Variants in NUP93 observed in about 807,000 individuals in gnomAD.
NUP93 encodes nucleoporin 93.
In NUP93, 55 loss-of-function variants were observed where a neutral mutation model predicts 107.8. That is an observed-to-expected ratio of 0.51 (90% CI 0.41 to 0.64). NUP93 has a LOEUF of 0.64. NUP93 is among the 30% of genes least tolerant of loss of function. NUP93 has a pLI of 0.00. For synonymous variants in NUP93, 390 were observed against 397.5 expected (o/e 0.98, Z 0.22); for missense variants, 937 against 1,044.7 (o/e 0.90, Z 1.42).
intron 8 of NUP93, 73 bp from the exon 9 acceptor site, chr16:56,828,904 C>T: frequency 6.7e-7 from 1 of 1,497,884 alleles, no homozygotes. Flanking sequence ...AGTGTAATGT[C>T]ATGGATATGG....
At chr16:56,751,410 A>G (rs1403638158) in intron 2 of NUP93, among the ~76,000 whole-genome samples, 1 of 152,174 alleles carries the variant, frequency 6.6e-6, no homozygotes, top group Non-Finnish European at 1.5e-5. Flanking sequence ...CTTTACACGC[A>G]TTATATAATT....
chr16:56,838,096 C>T (rs1243680677), intron 18 of NUP93, among the ~76,000 whole-genome samples: 1 of 152,138 alleles, frequency 6.6e-6, no homozygotes, highest in Non-Finnish European at 1.5e-5. Context: ...GGGGGAGATT[C>T]TTAGAGGTGT....
chr16:56,825,157 A>G (rs1193379456), intron 8 of NUP93, among the ~76,000 whole-genome samples: 1 of 151,044 alleles, frequency 6.6e-6, no homozygotes, highest in Non-Finnish European at 1.5e-5. Context: ...CCCAGGCTCA[A>G]GCAGTCCTCC....
At chr16:56,748,120 C>G (rs145764505) in intron 1 of NUP93, 114 bp from the exon 2 acceptor site, 1 of 652,852 alleles carries the variant, frequency 1.5e-6, no homozygotes, top group African/African-American at 1.8e-5. Context: ...TGAGCTGTGT[C>G]CTCGTCTGTT....
intron 1 of NUP93, chr16:56,748,010 G>C: frequency 5.8e-6 from 2 of 347,180 alleles, no homozygotes; most frequent in Non-Finnish European, 1.1e-5. Context: ...TCTTGGGGCT[G>C]TCAATATGCA....
In NUP93 at chr16:56,839,587, A is replaced by G. The variant is rs771748377; in HGVS notation, c.2203A>G (p.Arg735Gly). Reference sequence around the variant, plus strand: ...TGTGGAAGAGAGAGTGGCTGCCTTCAGAAATTTCAGTGATGAAGTAAGTTC... The same window carrying G: ...TGTGGAAGAGAGAGTGGCTGCCTTCGGAAATTTCAGTGATGAAGTAAGTTC... Reference protein sequence around the residue: ...ESVEERVAAFRNFSDEIRHNL... With the variant: ...ESVEERVAAFGNFSDEIRHNL... The change falls in exon 20 of 22, where the codon AGA (arginine) becomes GGA (glycine). Residue 735 changes from arginine to glycine, a missense_variant. Coordinates refer to ENST00000308159, the MANE Select transcript of NUP93 (RefSeq NM_014669.5). 4.3e-5 allele frequency: 70 copies of G among 1,613,606 alleles called. No homozygotes were observed. In the South Asian group the frequency reaches 7.6e-4, roughly 17 times the overall value.
At chr16:56,809,179 T>G (rs1466420520) in intron 5 of NUP93, among the ~76,000 whole-genome samples, 1 of 152,144 alleles carries the variant, frequency 6.6e-6, no homozygotes, top group African/African-American at 2.4e-5. Context: ...TTTGCCTTTG[T>G]GCCAGAGGGA....
In NUP93 at chr16:56,831,842, A is replaced by G; in HGVS notation, c.1086A>G (p.Arg362=). The stretch of plus-strand genomic sequence containing the variant: ...TCTGTCTGTTCCCTTATGTCTGTAG[A>G]TTGTCCCCAGCTACGGAAAACAAGC... ...FQEYMNSKDR[R]LSPATENKLR... is the part of the protein sequence containing the mutation. Residue 362 remains arginine (R), a splice_region_variant and synonymous_variant, in exon 11 of 22, where the codon AGA becomes AGG. Transcript: ENST00000308159. The G allele has an allele frequency of 6.2e-7, 1 of 1,613,674 alleles. No individual in the cohort carries two copies. Among genetic ancestry groups the G allele is most frequent in the South Asian group, 1.1e-5 (1 of 91,020 alleles).
intron 3 of NUP93, chr16:56,783,971 A>G: frequency 7.3e-6 from 6 of 819,834 alleles, no homozygotes; most frequent in Non-Finnish European, 8.8e-6. Flanking sequence ...CAAATATGAA[A>G]AGTGTAACGC....
chr16:56,776,159 T>C (rs1228597589), intron 3 of NUP93, among the ~76,000 whole-genome samples: 2 of 152,166 alleles, frequency 1.3e-5, no homozygotes, highest in Non-Finnish European at 2.9e-5. Context: ...TAGAAAACTT[T>C]GAGAAAGCTA....
Position 56,798,250 on chromosome 16 carries a change from T to G in NUP93, c.298-226T>G, listed in dbSNP as rs1596812224. Among the ~76,000 whole-genome samples, 4 of 152,302 alleles carry G rather than the reference T, an allele frequency of 2.6e-5. No individual in the cohort carries two copies. The South Asian group carries it at 8.3e-4, about 32-fold the overall frequency. ...TTATGGGATATAGAACCCCACACTG[T>G]TGTTTCATGGGGACTTTACTTTCTA... is the stretch of plus-strand genomic sequence containing the variant. On this transcript the variant is annotated intron_variant, in intron 3 of 21. Transcript: ENST00000308159.
At chr16:56,779,960 T>A (rs190368674) in intron 3 of NUP93, among the ~76,000 whole-genome samples, 2 of 152,278 alleles carry the variant, frequency 1.3e-5, no homozygotes, top group East Asian at 1.9e-4. Context: ...AGGCAGAGAT[T>A]CCTATTGCTA....
intron 21 of NUP93, 52 bp downstream of exon 21, chr16:56,841,885 T>C: frequency 6.2e-7 from 1 of 1,603,570 alleles, no homozygotes; most frequent in Non-Finnish European, 8.5e-7. Flanking sequence ...CTTTCTGGTT[T>C]GGAATCCGTT....
intron 3 of NUP93, among the ~76,000 whole-genome samples, chr16:56,774,193 G>A (rs772856997): frequency 3.0e-4 from 45 of 152,160 alleles, no homozygotes; most frequent in African/African-American, 1.1e-3. Context: ...TGCTGTGAGC[G>A]GATGTGCTGT....
chr16:56,839,266 T>C, intron 19 of NUP93, 197 bp downstream of exon 19: 1 of 341,360 alleles, frequency 2.9e-6, no homozygotes, highest in Non-Finnish European at 5.3e-6. Flanking sequence ...TTTTTGCCTA[T>C]TCCTTTCCCC....
intron 3 of NUP93, among the ~76,000 whole-genome samples, chr16:56,759,310 T>G (rs1962083483): frequency 1.3e-5 from 2 of 152,262 alleles, no homozygotes; most frequent in African/African-American, 4.8e-5. Context: ...GAAGGGACAG[T>G]GGGGCACCAT....
intron 3 of NUP93, among the ~76,000 whole-genome samples, chr16:56,786,586 C>T (rs917202798): frequency 1.3e-5 from 2 of 152,230 alleles, no homozygotes; most frequent in South Asian, 2.1e-4. Flanking sequence ...TGCTTGGAGT[C>T]TTCCTGGGCC....
chr16:56,762,679 G>A (rs1455006855), intron 3 of NUP93, among the ~76,000 whole-genome samples: 1 of 152,128 alleles, frequency 6.6e-6, no homozygotes, highest in Non-Finnish European at 1.5e-5. Flanking sequence ...ACAAAGTACT[G>A]CAAACTTGGT....
rs146045692 is a variant in NUP93 at position 56,834,821 on chromosome 16, G to A, written c.1782+43G>A. ...TTAGAGAAATGTTCGTTAGCCATTG[G>A]GGATTTATAAATATCAAAAAATACA... On this transcript the variant is annotated intron_variant, in intron 16 of 21. Coordinates refer to ENST00000308159, the MANE Select transcript of NUP93 (RefSeq NM_014669.5). 605 of 1,458,510 alleles carry A rather than the reference G, an allele frequency of 4.1e-4. 2 individuals are homozygous for A. In the African/African-American group the frequency reaches 7.8e-3, roughly 19 times the overall value. The allele number at this position is 1,458,510 out of a possible 1,614,324, so 90.3% of individuals were successfully genotyped here.
Sources: allele counts gnomAD v4.1 joint callset (sites outside exome capture counted in the v4.1 genomes callset), GRCh38; gene constraint gnomAD v4.1.1; transcripts MANE v1.5; gene names NCBI Gene and HGNC (gene_info 2026-07-23, HGNC 2026-07-21).